Variants in XPO7 observed in about 807,000 individuals in gnomAD.
XPO7 encodes the protein exportin 7, also known as exportin-7.
A neutral mutation model predicts 144.3 loss-of-function variants in XPO7; 21 were observed. The observed-to-expected ratio is 0.15, with a 90% CI of 0.10 to 0.21. The LOEUF (loss-of-function observed/expected upper bound fraction) is 0.21, where lower values mean the gene tolerates loss of function less well. Ranked by LOEUF, XPO7 falls within the 10% of genes least tolerant of loss-of-function variation. The pLI, the probability that XPO7 is intolerant of heterozygous loss-of-function variation, is 1.00. For missense variants in XPO7, 808 were observed against 1,325.8 expected, an observed-to-expected ratio of 0.61 and a Z score of 6.06; for synonymous variants, 580 against 499.6, an observed-to-expected ratio of 1.16 and a Z score of -2.15.
At chr8:21,958,267 C>G (rs959532027) in intron 1 of XPO7, among the ~76,000 whole-genome samples, 4 of 152,028 alleles carry the variant, frequency 2.6e-5, no homozygotes, top group African/African-American at 9.7e-5. Context: ...ACTGAATTAG[C>G]AAATACTGAC....
chr8:21,984,073 G>A (rs1272663257), intron 11 of XPO7, among the ~76,000 whole-genome samples: 2 of 152,076 alleles, frequency 1.3e-5, no homozygotes, highest in African/African-American at 4.8e-5. Context: ...GACGGGAGTT[G>A]GTATGAGACC....
At chr8:21,970,389 C>G in intron 4 of XPO7, 79 bp downstream of exon 4, 1 of 1,277,952 alleles carries the variant, frequency 7.8e-7, no homozygotes, top group Middle Eastern at 2.1e-4. Context: ...CACACACACA[C>G]ACAACTTAAC....
chr8:21,920,664 G>A (rs940495126), intron 1 of XPO7, among the ~76,000 whole-genome samples: 1 of 152,190 alleles, frequency 6.6e-6, no homozygotes, highest in Admixed American at 6.5e-5. Context: ...GCAGATGGAG[G>A]ACTGCAGGGT....
chr8:21,976,318 A>G, intron 6 of XPO7, 38 bp from the exon 7 acceptor site: 1 of 1,599,316 alleles, frequency 6.3e-7, no homozygotes, highest in Non-Finnish European at 8.5e-7. Context: ...GGAAGAGAGG[A>G]GTGATTTTGG....
chr8:21,998,760 A>G lies in XPO7; in HGVS notation c.2351A>G (p.Gln784Arg). Residue 784 changes from glutamine (Q) to arginine (R), a missense_variant, in exon 22 of 28, where the codon CAG becomes CGG. Transcript: ENST00000252512. ...CTCCTGTGCTCTCTGCTCAGGTCCC[A>G]GCGACTCCAGTTTGATGTCTCTTCC... ...LMAELVHNRS[Q>R]RLQFDVSSPN... is the part of the protein sequence containing the mutation. 6.2e-7 allele frequency: 1 copy of G among 1,613,958 alleles called. No individual in the cohort carries two copies. Among genetic ancestry groups the G allele is most frequent in the African/African-American group, 1.3e-5 (1 of 75,042 alleles).
At chr8:21,980,723 C>T (rs778051738) in intron 9 of XPO7, among the ~76,000 whole-genome samples, 14 of 150,216 alleles carry the variant, frequency 9.3e-5, no homozygotes, top group Non-Finnish European at 2.1e-4. Context: ...TGCAGTGAGC[C>T]GAGATCATGC....
intron 1 of XPO7, among the ~76,000 whole-genome samples, chr8:21,955,986 C>A (rs1811523667): frequency 6.6e-6 from 1 of 152,108 alleles, no homozygotes; most frequent in Admixed American, 6.5e-5. Flanking sequence ...CTCAGCCTCC[C>A]AAAGTGCTGG....
intron 1 of XPO7, among the ~76,000 whole-genome samples, chr8:21,947,669 A>G (rs1554513099): frequency 6.6e-6 from 1 of 152,226 alleles, no homozygotes; most frequent in Non-Finnish European, 1.5e-5. Flanking sequence ...GATCTCTCCA[A>G]CAGGGCAAGC....
At chr8:21,956,097 A>C (rs904292853) in intron 1 of XPO7, among the ~76,000 whole-genome samples, 1 of 152,186 alleles carries the variant, frequency 6.6e-6, no homozygotes, top group Non-Finnish European at 1.5e-5. Flanking sequence ...GCTCTTCAAA[A>C]AGGGGAGCAT....
At chr8:21,938,126 G>C (rs1350661337) in intron 1 of XPO7, among the ~76,000 whole-genome samples, 1 of 151,968 alleles carries the variant, frequency 6.6e-6, no homozygotes. Flanking sequence ...AAATTCCTCA[G>C]GGTTGTCTTC....
At chr8:21,992,482 T>C (rs952263019) in intron 19 of XPO7, among the ~76,000 whole-genome samples, 2 of 152,248 alleles carry the variant, frequency 1.3e-5, no homozygotes, top group Non-Finnish European at 2.9e-5. Context: ...CTAATTTCCA[T>C]TGAGATTTCT....
intron 1 of XPO7, among the ~76,000 whole-genome samples, chr8:21,942,877 T>G (rs1284594232): frequency 1.3e-5 from 2 of 152,250 alleles, no homozygotes; most frequent in African/African-American, 4.8e-5. Flanking sequence ...AGTCTTACTT[T>G]AAACTAGCTG....
At chr8:21,969,670 G>T (rs1371449952) in intron 3 of XPO7, 94 bp downstream of exon 3, 17 of 1,164,032 alleles carry the variant, frequency 1.5e-5, no homozygotes, top group South Asian at 5.7e-5. Flanking sequence ...TCAATGATAT[G>T]CTGAGATTGC....
intron 1 of XPO7, among the ~76,000 whole-genome samples, chr8:21,948,168 A>G (rs1564309): frequency 2.6e-5 from 4 of 152,250 alleles, no homozygotes; most frequent in African/African-American, 9.6e-5. Flanking sequence ...CGCAGATTTC[A>G]CAATGCAGTC....
rs768442939 is a variant in XPO7, at chr8:21,984,809, G to T, written c.1441G>T (p.Ala481Ser). 3.1e-6 allele frequency: 5 copies of T among 1,613,800 alleles called. No individual in the cohort carries two copies. In the African/African-American group the frequency reaches 5.3e-5, roughly 17 times the overall value. Residue 481 changes from alanine to serine, a missense_variant, in exon 12 of 28, where the codon GCA becomes TCA. Transcript: ENST00000252512. Reference sequence around the variant, plus strand: ...CCAGGAGCTGCTACAGAGCGCCAGCGCAAGCCCAATGGACATTGCAGTGCA... The same window carrying T: ...CCAGGAGCTGCTACAGAGCGCCAGCTCAAGCCCAATGGACATTGCAGTGCA... ...SYQELLQSAS[A>S]SPMDIAVQEG...
chr8:21,994,477 A>T (rs552896784), intron 20 of XPO7, 26 bp downstream of exon 20: 32 of 1,595,304 alleles, frequency 2.0e-5, no homozygotes, highest in Non-Finnish European at 2.7e-5. Flanking sequence ...CTAGGAGCAC[A>T]CTACAGCCTG....
At position 21,966,868 on chromosome 8, in the gene XPO7, A is replaced by C. The variant is rs777287204; in HGVS notation, c.30A>C (p.Gln10His). 6.2e-7 allele frequency: 1 copy of C among 1,612,978 alleles called. No individual in the cohort carries two copies. The highest frequency in any genetic ancestry group is 2.2e-5 in the East Asian group (1 of 44,854). Residue 10 changes from glutamine to histidine, a missense_variant, in exon 2 of 28, where the codon CAA becomes CAC. This residue lies in a region of XPO7 where 223 missense variants were observed against 368.8 expected (regional missense o/e 0.60). Coordinates refer to ENST00000252512, the MANE Select transcript of XPO7 (RefSeq NM_015024.5). ...CTGATCTTTTCCAGAGCCTGGCCCAACTAGAGAATCTGTGCAAACAGCTGT... is the reference window on the plus strand; with the variant it reads ...CTGATCTTTTCCAGAGCCTGGCCCACCTAGAGAATCTGTGCAAACAGCTGT... The part of the protein sequence containing the change: MADHVQSLA[Q>H]LENLCKQLYE...
At chr8:21,999,701 TTGG>T in intron 24 of XPO7, 27 bp downstream of exon 24, 1 of 1,613,102 alleles carries the variant, frequency 6.2e-7, no homozygotes, top group Non-Finnish European at 8.5e-7. Flanking sequence ...GGTGGGTGAG[TTGG>T]TGGGTTTGTT....
At chr8:21,937,390 C>T (rs1810856236) in intron 1 of XPO7, among the ~76,000 whole-genome samples, 2 of 152,144 alleles carry the variant, frequency 1.3e-5, no homozygotes, top group African/African-American at 4.8e-5. Context: ...AAGATTAAAC[C>T]TCTTAGTACG....
Sources: gnomAD v4.1 joint callset for allele counts (sites outside exome capture counted in the v4.1 genomes callset) on GRCh38, gnomAD v4.1.1 for gene constraint, gnomAD v4.1.1 regional missense constraint, MANE v1.5 for transcripts, NCBI Gene and HGNC (gene_info 2026-07-23, HGNC 2026-07-21) for gene names.